The following CAMK2D variants were observed in gnomAD, a reference collection of about 807,000 sequenced individuals.
CAMK2D encodes calcium/calmodulin-dependent protein kinase type II subunit delta.
CAMK2D carries 37 observed loss-of-function variants against 84.0 expected under a neutral mutation model. That is an observed-to-expected ratio of 0.44 (90% CI 0.34 to 0.58). The LOEUF (loss-of-function observed/expected upper bound fraction) is 0.58. Ranked by LOEUF, CAMK2D falls within the 20% of genes least tolerant of loss-of-function variation. The pLI, the probability that CAMK2D is intolerant of heterozygous loss-of-function variation, is 0.02. For missense variants in CAMK2D, 448 were observed against 652.5 expected (o/e 0.69, Z 3.41); for synonymous variants, 202 against 212.5 (o/e 0.95, Z 0.43).
At chr4:113,610,854 C>A (rs1185493554) in intron 3 of CAMK2D, among the ~76,000 whole-genome samples, 2 of 152,094 alleles carry the variant, frequency 1.3e-5, no homozygotes, top group Non-Finnish European at 2.9e-5. Context: ...TAATACCTTT[C>A]CCTTCTTCAG....
chr4:113,643,206 A>G (rs2099139066), intron 3 of CAMK2D, among the ~76,000 whole-genome samples: 1 of 151,496 alleles, frequency 6.6e-6, no homozygotes, highest in Non-Finnish European at 1.5e-5. Context: ...AATATATGCT[A>G]AAAGTATTAT....
intron 6 of CAMK2D, among the ~76,000 whole-genome samples, chr4:113,545,042 G>A (rs1240112011): frequency 6.6e-6 from 1 of 152,094 alleles, no homozygotes; most frequent in Admixed American, 6.5e-5. Flanking sequence ...TTATTCTGAA[G>A]ATATACTTAT....
intron 3 of CAMK2D, among the ~76,000 whole-genome samples, chr4:113,660,184 G>A (rs2099222982): frequency 1.3e-5 from 2 of 152,130 alleles, no homozygotes; most frequent in South Asian, 4.1e-4. Flanking sequence ...AGGGAGCTGG[G>A]ACAGTAACAT....
At chr4:113,638,416 G>C (rs985822111) in intron 3 of CAMK2D, among the ~76,000 whole-genome samples, 1 of 152,076 alleles carries the variant, frequency 6.6e-6, no homozygotes, top group Non-Finnish European at 1.5e-5. Flanking sequence ...GTAGGAGAAA[G>C]TATATTATTT....
At chr4:113,577,438 C>G (rs922698691) in intron 4 of CAMK2D, among the ~76,000 whole-genome samples, 8 of 152,128 alleles carry the variant, frequency 5.3e-5, no homozygotes, top group Admixed American at 2.6e-4. Flanking sequence ...ACATTAGATT[C>G]TCTAAAACTC....
intron 3 of CAMK2D, among the ~76,000 whole-genome samples, chr4:113,652,459 GGAATA>G (rs2099178033): frequency 6.6e-6 from 1 of 151,890 alleles, no homozygotes; most frequent in Admixed American, 6.6e-5. Context: ...CAATGCTACT[GGAATA>G]AAGGGAAAAG....
intron 2 of CAMK2D, among the ~76,000 whole-genome samples, chr4:113,720,357 A>G (rs966843161): frequency 3.1e-5 from 4 of 128,456 alleles, no homozygotes; most frequent in Non-Finnish European, 3.2e-5. Context: ...AAAATCAACA[A>G]TCACATTCTC....
At chr4:113,744,084 C>T (rs2099599003) in intron 2 of CAMK2D, among the ~76,000 whole-genome samples, 4 of 152,206 alleles carry the variant, frequency 2.6e-5, no homozygotes, top group Admixed American at 2.0e-4. Context: ...TCGCGATCCG[C>T]CCACCTAGGC....
rs184288459 is a variant in CAMK2D, at chr4:113,507,511, C to T, written c.984+2127G>A. 2.4e-3 allele frequency among the ~76,000 whole-genome samples: 369 copies of T among 152,074 alleles called. 3 individuals carry two copies. The highest frequency in any genetic ancestry group is 8.5e-3 in the African/African-American group (354 of 41,442). On this transcript the variant is annotated intron_variant, in intron 13 of 20. Coordinates refer to ENST00000511664, the MANE Select transcript of CAMK2D (RefSeq NM_001321571.2). ...CTCGAACTCCTGATCTCAGGTGATCCGTCTGTCTCAACCTCTCAAACTGCT... is the reference window on the plus strand; with the variant it reads ...CTCGAACTCCTGATCTCAGGTGATCTGTCTGTCTCAACCTCTCAAACTGCT...
chr4:113,675,360 T>C (rs1233875651), intron 2 of CAMK2D, among the ~76,000 whole-genome samples: 1 of 152,230 alleles, frequency 6.6e-6, no homozygotes, highest in African/African-American at 2.4e-5. Context: ...ATAACTTACA[T>C]ACTTTCATAA....
chr4:113,696,195 GACACACACAC>G lies in CAMK2D; in HGVS notation c.161-34433_161-34424del, dbSNP rs56784441. Among the ~76,000 whole-genome samples the G allele has an allele frequency of 6.7e-4, 97 of 144,634 alleles. 1 individual carries two copies. Among genetic ancestry groups the G allele is most frequent in the South Asian group, 2.2e-3 (10 of 4,450 alleles). 94.9% of individuals were successfully genotyped at this position (144,634 alleles called of 152,430 possible). On this transcript the variant is annotated intron_variant, in intron 2 of 20. Coordinates refer to ENST00000511664, the MANE Select transcript of CAMK2D (RefSeq NM_001321571.2). ...TGACAGACAGACACACAGACACACA[GACACACACAC>G]ACACACACACACACACACACACACA... is the stretch of plus-strand genomic sequence containing the variant.
At chr4:113,612,092 A>G (rs1180078649) in intron 3 of CAMK2D, among the ~76,000 whole-genome samples, 1 of 152,174 alleles carries the variant, frequency 6.6e-6, no homozygotes, top group Non-Finnish European at 1.5e-5. Context: ...TACTTACTAT[A>G]TTAACAAAAG....
intron 4 of CAMK2D, among the ~76,000 whole-genome samples, chr4:113,579,469 C>T (rs183470810): frequency 1.2e-4 from 19 of 152,274 alleles, no homozygotes; most frequent in Admixed American, 3.9e-4. Flanking sequence ...TCATAAATGG[C>T]TTGGTGCCCT....
rs751980410 is a variant in CAMK2D, at chr4:113,602,173, C to A, written c.275+6979G>T. ...TATCTCTAAACTAAGTCCATTTTTG[C>A]TTGAAGCTGTCTACACAGAACAATA... On this transcript the variant is annotated intron_variant, in intron 4 of 20. Transcript: ENST00000511664. Among the ~76,000 whole-genome samples the A allele has an allele frequency of 1.3e-5, 2 of 151,754 alleles. 1 individual carries two copies. The highest frequency in any genetic ancestry group is 4.2e-4 in the South Asian group (2 of 4,816).
At chr4:113,682,051 C>A (rs2099347476) in intron 2 of CAMK2D, among the ~76,000 whole-genome samples, 1 of 152,118 alleles carries the variant, frequency 6.6e-6, no homozygotes, top group South Asian at 2.1e-4. Context: ...TCTACCCCTT[C>A]CTTTCTGGGG....
At chr4:113,694,872 T>C (rs1334236639) in intron 2 of CAMK2D, among the ~76,000 whole-genome samples, 2 of 152,180 alleles carry the variant, frequency 1.3e-5, no homozygotes, top group Admixed American at 1.3e-4. Flanking sequence ...CCAGAAACTT[T>C]TAGTAATATT....
At chr4:113,645,085 C>T (rs1252790460) in intron 3 of CAMK2D, among the ~76,000 whole-genome samples, 1 of 152,100 alleles carries the variant, frequency 6.6e-6, no homozygotes, top group Non-Finnish European at 1.5e-5. Flanking sequence ...GGCACAATCT[C>T]GGCTCACTAC....
intron 4 of CAMK2D, among the ~76,000 whole-genome samples, chr4:113,590,822 C>T (rs1408869341): frequency 6.6e-6 from 1 of 152,116 alleles, no homozygotes; most frequent in Non-Finnish European, 1.5e-5. Context: ...CTCACTACCT[C>T]ACAGAACTGA....
chr4:113,759,211 C>A, intron 2 of CAMK2D, 109 bp downstream of exon 2: 4 of 594,454 alleles, frequency 6.7e-6, no homozygotes, highest in East Asian at 5.6e-5. Context: ...AATATGATAC[C>A]TAAGTCTAAA....
Sources: allele counts gnomAD v4.1 joint callset (sites outside exome capture counted in the v4.1 genomes callset), GRCh38; gene constraint gnomAD v4.1.1; transcripts MANE v1.5; gene names NCBI Gene and HGNC (gene_info 2026-07-23, HGNC 2026-07-21).